The following PASD1 variants were observed in gnomAD, a reference collection of about 807,000 sequenced individuals.
The protein encoded by PASD1 is circadian clock protein PASD1.
In PASD1, 13 loss-of-function variants were observed where a neutral mutation model predicts 58.8. That is an observed-to-expected ratio of 0.22 (90% confidence interval 0.14 to 0.35). PASD1 has a LOEUF of 0.35. Among genes scored for constraint, PASD1 ranks in the 10% least tolerant of loss-of-function variants. PASD1 has a pLI of 1.00. For synonymous variants in PASD1, 236 were observed against 216.7 expected, an observed-to-expected ratio of 1.09 and a Z score of -0.78; for missense variants, 734 against 568.3, an observed-to-expected ratio of 1.29 and a Z score of -2.96.
intron 11 of PASD1, among the ~76,000 whole-genome samples, chrX:151,667,458 C>T (rs140954049): frequency 0.01 from 1,142 of 111,856 alleles, 7 homozygotes; most frequent in Non-Finnish European, 0.015. Flanking sequence ...TCCTTGCCCA[C>T]GCCTATGTCC....
At chrX:151,589,815 A>C (rs80153773) in intron 1 of PASD1, among the ~76,000 whole-genome samples, 3,861 of 112,070 alleles carry the variant, frequency 0.034, 118 homozygotes, top group African/African-American at 0.095. Flanking sequence ...TATAAAAAAA[A>C]TGTACTTGCT....
intron 1 of PASD1, among the ~76,000 whole-genome samples, chrX:151,567,144 G>T (rs761488470): frequency 9.0e-6 from 1 of 110,929 alleles, no homozygotes; most frequent in African/African-American, 3.3e-5. Flanking sequence ...TTGGATTTTC[G>T]ATTTTCGAGT....
At chrX:151,569,870 C>G (rs763586293) in intron 1 of PASD1, among the ~76,000 whole-genome samples, 1 of 110,240 alleles carries the variant, frequency 9.1e-6, no homozygotes, top group African/African-American at 3.3e-5. Flanking sequence ...TTCCTTGGCC[C>G]CTTTTTCTAA....
At position 151,576,420 on chromosome X, in the gene PASD1, T is replaced by G. The variant is rs1354055626; in HGVS notation, c.-28+12581T>G. ...TTCAAATAGTCAAAATCAACTCTTATCCTAGTGAATTGATTACATGTGAAA... is the reference window on the plus strand; with the variant it reads ...TTCAAATAGTCAAAATCAACTCTTAGCCTAGTGAATTGATTACATGTGAAA... On this transcript the variant is annotated intron_variant, in intron 1 of 15. Transcript: ENST00000370357. 4.4e-5 allele frequency among the ~76,000 whole-genome samples: 5 copies of G among 112,440 alleles called. No homozygotes were observed. In the East Asian group the frequency reaches 1.4e-3, roughly 31 times the overall value.
intron 4 of PASD1, 133 bp from the exon 5 acceptor site, chrX:151,620,797 G>A (rs1168949371): frequency 7.6e-6 from 3 of 395,102 alleles, no homozygotes; most frequent in Non-Finnish European, 1.3e-5. Context: ...ACATGGCTGA[G>A]GTGGGGCAGA....
chrX:151,630,522 T>C (rs1285722747), intron 8 of PASD1, among the ~76,000 whole-genome samples: 1 of 112,566 alleles, frequency 8.9e-6, no homozygotes, highest in Non-Finnish European at 1.9e-5. Flanking sequence ...TTCATAGACT[T>C]GTCCCTTGTC....
At chrX:151,618,253 G>T (rs990688976) in intron 4 of PASD1, among the ~76,000 whole-genome samples, 4 of 111,324 alleles carry the variant, frequency 3.6e-5, no homozygotes, top group African/African-American at 1.3e-4. Context: ...TTCATAGGCT[G>T]GCTTCTACAA....
In PASD1 at chrX:151,615,521, ACTTCCTCATTG is replaced by A. The variant is rs753690035; in HGVS notation, c.207+3769_207+3779del. On this transcript the variant is annotated intron_variant, in intron 4 of 15. Transcript: ENST00000370357. ...GACTACACCTGAGGCATAGTTTCAC[ACTTCCTCATTG>A]AATCCCAACTGTTCTTAATTTTTCA... 2.7e-5 allele frequency among the ~76,000 whole-genome samples: 3 copies of A among 112,482 alleles called. No individual in the cohort carries two copies. In the East Asian group the frequency reaches 8.3e-4, roughly 31 times the overall value.
intron 1 of PASD1, among the ~76,000 whole-genome samples, chrX:151,566,692 G>A (rs969345281): frequency 8.9e-6 from 1 of 111,966 alleles, no homozygotes; most frequent in African/African-American, 3.2e-5. Flanking sequence ...CTTACTGGGC[G>A]AGCATCCCTA....
chrX:151,668,819 A>G (rs2008247), intron 11 of PASD1, among the ~76,000 whole-genome samples: 31,947 of 107,452 alleles, frequency 0.3, 4,176 homozygotes, highest in Middle Eastern at 0.44. Flanking sequence ...AACTATTCCA[A>G]TCAATAGAAA....
At chrX:151,598,960 G>A (rs1394769250) in intron 1 of PASD1, among the ~76,000 whole-genome samples, 2 of 111,036 alleles carry the variant, frequency 1.8e-5, no homozygotes, top group African/African-American at 6.6e-5. Context: ...CTAGGCAGAG[G>A]GCCCTGCCGC....
At position 151,621,605 on chromosome X, in the gene PASD1, G is replaced by GGTAAGATAAGATAAGTAA; in HGVS notation, c.418+13_418+14insGTAAGATAAGATAAGTAA. 2 of 1,105,466 alleles carry GGTAAGATAAGATAAGTAA rather than the reference G, an allele frequency of 1.8e-6. No homozygotes were observed. Among genetic ancestry groups the GGTAAGATAAGATAAGTAA allele is most frequent in the East Asian group, 3.1e-5 (1 of 32,753 alleles). 91.1% of individuals were successfully genotyped at this position (1,105,466 alleles called of 1,213,427 possible). On this transcript the variant is annotated intron_variant, in intron 6 of 15. Coordinates refer to ENST00000370357, the MANE Select transcript of PASD1 (RefSeq NM_173493.3). ...GATATTTGTAATGGTAAGCAGTTCT[G>GGTAAGATAAGATAAGTAA]TTTATCTTATCTATATGACATTTAT... is the stretch of plus-strand genomic sequence containing the variant.
rs1569407125 is a variant in PASD1, at chrX:151,620,939, G to A, written c.217G>A (p.Val73Met). 1.7e-6 allele frequency: 2 copies of A among 1,204,951 alleles called. No homozygotes were observed. Among genetic ancestry groups the A allele is most frequent in the Non-Finnish European group, 2.2e-6 (2 of 891,338 alleles). ...TCTCCTCTCCTGCCAGGCTGAGATTGTGGGCAAAAAATTATTAAGCCTTCT... is the reference window on the plus strand; with the variant it reads ...TCTCCTCTCCTGCCAGGCTGAGATTATGGGCAAAAAATTATTAAGCCTTCT... Reference protein sequence around the residue: ...SLLGHLPAEIVGKKLLSLLPD... With the variant: ...SLLGHLPAEIMGKKLLSLLPD... Residue 73 changes from valine to methionine, a missense_variant, in exon 5 of 16, where the codon GTG becomes ATG. Val to Met is a conservative substitution (Grantham distance 21). Transcript: ENST00000370357.
chrX:151,655,243 C>G (rs1238803168), intron 9 of PASD1, among the ~76,000 whole-genome samples: 1 of 108,892 alleles, frequency 9.2e-6, no homozygotes, highest in Non-Finnish European at 1.9e-5. Context: ...TTTCTTAATC[C>G]AGTATATCAC....
intron 1 of PASD1, among the ~76,000 whole-genome samples, chrX:151,589,794 A>G (rs2013220991): frequency 8.9e-6 from 1 of 111,978 alleles, no homozygotes; most frequent in Non-Finnish European, 1.9e-5. Context: ...AATTGTAACA[A>G]ACTTTAAAAA....
chrX:151,600,130 G>T (rs951836375), intron 1 of PASD1, among the ~76,000 whole-genome samples: 1 of 111,830 alleles, frequency 8.9e-6, no homozygotes, highest in South Asian at 3.8e-4. Context: ...CAGGCGTGGC[G>T]GCGTGCGCCT....
intron 12 of PASD1, 33 bp from the exon 13 acceptor site, chrX:151,671,540 G>A: frequency 8.4e-7 from 1 of 1,195,029 alleles, no homozygotes; most frequent in Non-Finnish European, 1.1e-6. Flanking sequence ...TGTGGACTGT[G>A]AATAAGACCT....
intron 9 of PASD1, among the ~76,000 whole-genome samples, chrX:151,651,347 A>G (rs775681899): frequency 1.8e-5 from 2 of 112,179 alleles, no homozygotes; most frequent in South Asian, 7.5e-4. Context: ...GCCATGTTAC[A>G]CTAAACAGGC....
intron 9 of PASD1, among the ~76,000 whole-genome samples, chrX:151,653,867 CCTCT>C (rs2014192297): frequency 5.0e-5 from 1 of 19,867 alleles, no homozygotes; most frequent in African/African-American, 1.5e-4. Context: ...TCCCTCCCTC[CCTCT>C]TTCTTTCTTT....
Sources: allele counts gnomAD v4.1 joint callset (sites outside exome capture counted in the v4.1 genomes callset), GRCh38; gene constraint gnomAD v4.1.1; transcripts MANE v1.5; gene names NCBI Gene and HGNC (gene_info 2026-07-23, HGNC 2026-07-21).